Variants in RASA1 observed in about 807,000 individuals in gnomAD.
RASA1 encodes the protein RAS p21 protein activator 1, also known as ras GTPase-activating protein 1.
Under a neutral mutation model 132.2 loss-of-function variants are expected in RASA1, and 25 were observed. That is an observed-to-expected ratio of 0.19 (90% CI 0.14 to 0.26). The LOEUF is 0.26. Ranked by LOEUF, RASA1 falls within the 10% of genes least tolerant of loss-of-function variation. The pLI is 1.00. For missense variants in RASA1, 964 were observed against 1,299.2 expected (o/e 0.74, Z 3.97); for synonymous variants, 477 against 449.9 (o/e 1.06, Z -0.76).
chr5:87,276,140 T>C (rs565393288), intron 1 of RASA1, among the ~76,000 whole-genome samples: 1 of 152,166 alleles, frequency 6.6e-6, no homozygotes, highest in South Asian at 2.1e-4. Context: ...AGAATACTAG[T>C]AGTGAGGGAC....
At chr5:87,330,110 G>A (rs1318536935) in intron 1 of RASA1, among the ~76,000 whole-genome samples, 2 of 152,046 alleles carry the variant, frequency 1.3e-5, no homozygotes, top group Non-Finnish European at 2.9e-5. Flanking sequence ...CTATAAATAA[G>A]TTCATTATTT....
At chr5:87,323,845 C>G (rs1018420020) in intron 1 of RASA1, among the ~76,000 whole-genome samples, 2 of 151,908 alleles carry the variant, frequency 1.3e-5, no homozygotes, top group Non-Finnish European at 2.9e-5. Flanking sequence ...TCAGTTCTTT[C>G]AGGAAATGTA....
chr5:87,368,553 C>T (rs1403300821), intron 11 of RASA1, among the ~76,000 whole-genome samples: 1 of 152,118 alleles, frequency 6.6e-6, no homozygotes, highest in Non-Finnish European at 1.5e-5. Context: ...AAGAATTGTT[C>T]TTACGGATGG....
chr5:87,309,516 C>T (rs1421487287), intron 1 of RASA1, among the ~76,000 whole-genome samples: 3 of 151,998 alleles, frequency 2.0e-5, no homozygotes, highest in African/African-American at 7.2e-5. Context: ...TTTTAAGTAA[C>T]CACATAGTTT....
intron 5 of RASA1, among the ~76,000 whole-genome samples, chr5:87,339,042 CG>C (rs1237359915): frequency 6.6e-6 from 1 of 152,056 alleles, no homozygotes; most frequent in Non-Finnish European, 1.5e-5. Flanking sequence ...CCTTTCCTTT[CG>C]GATTTTTCTA....
chr5:87,376,815 G>GT, intron 16 of RASA1, 66 bp from the exon 17 acceptor site: 1 of 1,461,078 alleles, frequency 6.8e-7, no homozygotes, highest in South Asian at 1.2e-5. Flanking sequence ...CATATTTCTT[G>GT]TTAGTCTCAT....
chr5:87,274,358 A>G (rs572041731), intron 1 of RASA1, among the ~76,000 whole-genome samples: 1 of 152,308 alleles, frequency 6.6e-6, no homozygotes, highest in South Asian at 2.1e-4. Flanking sequence ...AAGTCAAATA[A>G]TTGGTGAAGG....
chr5:87,381,080 T>C (rs866259817), intron 20 of RASA1, among the ~76,000 whole-genome samples: 1 of 152,210 alleles, frequency 6.6e-6, no homozygotes, highest in African/African-American at 2.4e-5. Flanking sequence ...TGGCAAATCA[T>C]GGAATTTGGG....
intron 2 of RASA1, among the ~76,000 whole-genome samples, chr5:87,331,922 CAT>C (rs1189714733): frequency 1.4e-4 from 22 of 152,002 alleles, no homozygotes; most frequent in African/African-American, 4.8e-4. Context: ...GTGAAACAGA[CAT>C]ATAAATTTTC....
At chr5:87,363,835 G>A (rs1191986562) in intron 11 of RASA1, among the ~76,000 whole-genome samples, 2 of 151,976 alleles carry the variant, frequency 1.3e-5, no homozygotes, top group Non-Finnish European at 2.9e-5. Context: ...GTACCCAAGA[G>A]TACTAGGTGC....
chr5:87,388,774 C>T lies in RASA1; in HGVS notation c.2926-619C>T, dbSNP rs146532842. Among the ~76,000 whole-genome samples the T allele has an allele frequency of 7.5e-3, 1,147 of 152,252 alleles. 17 individuals are homozygous for T. Among genetic ancestry groups the T allele is most frequent in the African/African-American group, 0.027 (1,109 of 41,536 alleles). On this transcript the variant is annotated intron_variant, in intron 23 of 24. Transcript: ENST00000274376. ...AGTTCCTACTTATATGCATTATCAA[C>T]TTAGACAAACTACAGGAGCTTAATA...
chr5:87,310,045 G>T (rs748662962), intron 1 of RASA1, among the ~76,000 whole-genome samples: 1 of 152,210 alleles, frequency 6.6e-6, no homozygotes, highest in South Asian at 2.1e-4. Flanking sequence ...AAGAAAGAGA[G>T]GTAATATAAT....
chr5:87,286,306 C>G (rs1754561306), intron 1 of RASA1, among the ~76,000 whole-genome samples: 2 of 151,936 alleles, frequency 1.3e-5, no homozygotes. Context: ...TACTTTGATT[C>G]ACACCCTCAT....
rs1311283945 is a variant in RASA1 at position 87,272,724 on chromosome 5, T to C, written c.539+3734T>C. On this transcript the variant is annotated intron_variant, in intron 1 of 24. Transcript: ENST00000274376. Reference sequence around the variant, plus strand: ...GTTAAATGACTATTTTACAGAATGTTTTGAACTCCAAATCAAGCCTACCAC... The same window carrying C: ...GTTAAATGACTATTTTACAGAATGTCTTGAACTCCAAATCAAGCCTACCAC... Among the ~76,000 whole-genome samples, 4 of 152,158 alleles carry C rather than the reference T, an allele frequency of 2.6e-5. No homozygotes were observed. The East Asian group carries it at 7.7e-4, about 29-fold the overall frequency.
At chr5:87,351,261 A>G (rs561089284) in intron 8 of RASA1, among the ~76,000 whole-genome samples, 1 of 151,850 alleles carries the variant, frequency 6.6e-6, no homozygotes, top group African/African-American at 2.4e-5. Context: ...TGTGAAATAT[A>G]CTGTACAAAT....
At chr5:87,367,462 T>C (rs1052692196) in intron 11 of RASA1, among the ~76,000 whole-genome samples, 2 of 152,230 alleles carry the variant, frequency 1.3e-5, no homozygotes. Flanking sequence ...TTAGTGCGCA[T>C]GCTCAGCCTG....
intron 1 of RASA1, among the ~76,000 whole-genome samples, chr5:87,270,706 TAGAA>T (rs1487362729): frequency 7.2e-6 from 1 of 139,316 alleles, no homozygotes; most frequent in Non-Finnish European, 1.5e-5. Flanking sequence ...TTGGAGCATT[TAGAA>T]AGTTCTGAAA....
intron 9 of RASA1, among the ~76,000 whole-genome samples, chr5:87,355,966 C>A (rs1759618158): frequency 6.6e-6 from 1 of 152,190 alleles, no homozygotes; most frequent in African/African-American, 2.4e-5. Flanking sequence ...AATTACTCCA[C>A]TTTTGTGATG....
intron 1 of RASA1, among the ~76,000 whole-genome samples, chr5:87,271,342 A>T (rs558220929): frequency 6.6e-6 from 1 of 152,116 alleles, no homozygotes; most frequent in African/African-American, 2.4e-5. Flanking sequence ...AATGGTTATG[A>T]AAAACAATGC....
Sources: gnomAD v4.1 joint callset for allele counts (sites outside exome capture counted in the v4.1 genomes callset) on GRCh38, gnomAD v4.1.1 for gene constraint, MANE v1.5 for transcripts, NCBI Gene and HGNC (gene_info 2026-07-23, HGNC 2026-07-21) for gene names.